CCDC102B: variants seen among roughly 807,000 people sequenced by gnomAD.
The protein encoded by CCDC102B is coiled-coil domain-containing protein 102B.
CCDC102B carries 75 observed loss-of-function variants against 57.4 expected under a neutral mutation model. The observed-to-expected ratio is 1.31, with a 90% CI of 1.08 to 1.58. The LOEUF is 1.58. Among genes scored for constraint, CCDC102B ranks in the 40% most tolerant of loss-of-function variants. The probability of loss-of-function intolerance (pLI) is 0.00; values close to 1 mark genes in which losing one functional copy is unlikely to be tolerated. For synonymous variants in CCDC102B, 206 were observed against 201.9 expected, an observed-to-expected ratio of 1.02 and a Z score of -0.17; for missense variants, 636 against 582.6, an observed-to-expected ratio of 1.09 and a Z score of -0.94.
upstream of CCDC102B, among the ~76,000 whole-genome samples, chr18:68,797,093 G>C (rs1053277639): frequency 1.3e-5 from 2 of 152,024 alleles, no homozygotes; most frequent in African/African-American, 2.4e-5. Context: ...TTCAAAGATA[G>C]AGGAGAGAGA....
At chr18:68,842,781 C>T (rs2037693758) in intron 3 of CCDC102B, among the ~76,000 whole-genome samples, 1 of 152,140 alleles carries the variant, frequency 6.6e-6, no homozygotes, top group African/African-American at 2.4e-5. Context: ...ATTTTGATGG[C>T]TTTCTCATCA....
chr18:69,016,508 G>GA (rs770765211), intron 7 of CCDC102B, among the ~76,000 whole-genome samples: 5 of 152,180 alleles, frequency 3.3e-5, no homozygotes, highest in Middle Eastern at 3.4e-3. Context: ...AGATAAAGGG[G>GA]AAAAATCAAG....
Position 69,047,892 on chromosome 18 carries a change from C to A in CCDC102B, c.1435-6138C>A, listed in dbSNP as rs183752865. Among the ~76,000 whole-genome samples, 10 of 152,140 alleles carry A rather than the reference C, an allele frequency of 6.6e-5. No individual in the cohort carries two copies. The East Asian group carries it at 1.9e-3, about 29-fold the overall frequency. Reference sequence around the variant, plus strand: ...TCAAATAAATCAGATATGACAAAAACAAATGGAAAATAATTCCATGTTCAT... The same window carrying A: ...TCAAATAAATCAGATATGACAAAAAAAAATGGAAAATAATTCCATGTTCAT... On this transcript the variant is annotated intron_variant, in intron 7 of 7. Coordinates refer to ENST00000360242, the MANE Select transcript of CCDC102B (RefSeq NM_024781.3).
intron 2 of CCDC102B, among the ~76,000 whole-genome samples, chr18:68,725,478 G>A (rs987395803): frequency 1.3e-5 from 2 of 152,154 alleles, no homozygotes; most frequent in African/African-American, 4.8e-5. Flanking sequence ...GGCTTCTAAC[G>A]TTGCTGTTGG....
chr18:68,776,926 G>A (rs2034838946), intron 2 of CCDC102B, among the ~76,000 whole-genome samples: 5 of 151,374 alleles, frequency 3.3e-5, no homozygotes, highest in Admixed American at 2.6e-4. Context: ...TTTTTTTCCC[G>A]CATTTCACTC....
intron 7 of CCDC102B, among the ~76,000 whole-genome samples, chr18:69,018,115 A>G (rs1174221521): frequency 6.6e-6 from 1 of 152,164 alleles, no homozygotes; most frequent in African/African-American, 2.4e-5. Context: ...TTATCCAACA[A>G]TGGACACTTA....
chr18:68,846,186 T>C, intron 3 of CCDC102B, 127 bp from the exon 4 acceptor site: 1 of 449,104 alleles, frequency 2.2e-6, no homozygotes, highest in East Asian at 3.7e-5. Context: ...GCAAAATGTT[T>C]TCTCTCATTA....
intron 6 of CCDC102B, among the ~76,000 whole-genome samples, chr18:68,970,935 A>G (rs1281235594): frequency 6.6e-6 from 1 of 151,958 alleles, no homozygotes; most frequent in Non-Finnish European, 1.5e-5. Context: ...ATGTGATTTT[A>G]TTGTGCAGTA....
intron 6 of CCDC102B, among the ~76,000 whole-genome samples, chr18:68,929,813 A>T (rs1479982168): frequency 2.0e-5 from 3 of 150,352 alleles, no homozygotes; most frequent in Non-Finnish European, 3.0e-5. Flanking sequence ...TACATACTTT[A>T]AGTATATGTA....
intron 2 of CCDC102B, among the ~76,000 whole-genome samples, chr18:68,740,630 T>C (rs1017902110): frequency 6.6e-6 from 1 of 152,178 alleles, no homozygotes; most frequent in African/African-American, 2.4e-5. Context: ...GTGAGGACCT[T>C]GGCCATTGCT....
At chr18:68,946,125 A>T (rs2049531482) in intron 6 of CCDC102B, among the ~76,000 whole-genome samples, 1 of 152,090 alleles carries the variant, frequency 6.6e-6, no homozygotes, top group Admixed American at 6.6e-5. Context: ...TAGTTAAGTG[A>T]AACTGAAATT....
intron 4 of CCDC102B, among the ~76,000 whole-genome samples, chr18:68,866,179 A>G (rs970296369): frequency 1.3e-5 from 2 of 152,216 alleles, no homozygotes; most frequent in Admixed American, 6.5e-5. Context: ...GTGTACGCAT[A>G]ACAATTATTA....
chr18:68,859,141 A>C (rs1294804834), intron 4 of CCDC102B: 1 of 148,702 alleles, frequency 6.7e-6, no homozygotes, highest in Non-Finnish European at 1.5e-5. Flanking sequence ...CTCAGAAATA[A>C]TGCCGCATAT....
chr18:68,826,378 G>A (rs1340915478), intron 1 of CCDC102B, among the ~76,000 whole-genome samples: 1 of 152,130 alleles, frequency 6.6e-6, no homozygotes, highest in Non-Finnish European at 1.5e-5. Context: ...CTTGCCACGT[G>A]GGCCTCTCCA....
intron 3 of CCDC102B, among the ~76,000 whole-genome samples, chr18:68,844,503 TTCTTA>T (rs1396794871): frequency 6.6e-6 from 1 of 151,984 alleles, no homozygotes. Context: ...AATATGGTGA[TTCTTA>T]TCTTAAACAT....
At chr18:68,952,551 T>C (rs1341936981) in intron 6 of CCDC102B, among the ~76,000 whole-genome samples, 1 of 152,126 alleles carries the variant, frequency 6.6e-6, no homozygotes, top group East Asian at 1.9e-4. Context: ...TGATCTGCCC[T>C]CACCCCTATT....
chr18:68,869,966 T>G (rs2039169096), intron 4 of CCDC102B, among the ~76,000 whole-genome samples: 1 of 152,200 alleles, frequency 6.6e-6, no homozygotes, highest in African/African-American at 2.4e-5. Flanking sequence ...CCAGCACTAT[T>G]TATTAAATAG....
intron 7 of CCDC102B, among the ~76,000 whole-genome samples, chr18:69,037,176 A>G (rs1376149467): frequency 2.0e-5 from 3 of 152,018 alleles, no homozygotes; most frequent in Non-Finnish European, 4.4e-5. Context: ...CCTAATTACC[A>G]TAACCAAATT....
intron 2 of CCDC102B, among the ~76,000 whole-genome samples, chr18:68,765,378 A>AAAGAAAGAAAGGAAGG (rs1568239061): frequency 7.5e-6 from 1 of 132,502 alleles, no homozygotes; most frequent in African/African-American, 2.9e-5. Context: ...AGAAAGAAAG[A>AAAGAAAGAAAGGAAGG]AAAGAAAGAA....
Sources: allele counts gnomAD v4.1 joint callset (sites outside exome capture counted in the v4.1 genomes callset), GRCh38; gene constraint gnomAD v4.1.1; transcripts MANE v1.5; gene names NCBI Gene and HGNC (gene_info 2026-07-23, HGNC 2026-07-21).